The following PLSCR5 variants were observed in gnomAD, a reference collection of about 807,000 sequenced individuals.
The protein encoded by PLSCR5 is phospholipid scramblase family member 5.
PLSCR5 carries 44 observed loss-of-function variants against 33.6 expected under a neutral mutation model. The ratio of observed to expected loss-of-function variants is 1.31; its 90% CI spans 1.03 to 1.69. The LOEUF (loss-of-function observed/expected upper bound fraction) is 1.69. Among genes scored for constraint, PLSCR5 ranks in the 40% most tolerant of loss-of-function variants. The pLI, the probability that PLSCR5 is intolerant of heterozygous loss-of-function variation, is 0.00. For synonymous variants in PLSCR5, 148 were observed against 112.3 expected, an observed-to-expected ratio of 1.32 and a Z score of -2.01; for missense variants, 375 against 318.7, an observed-to-expected ratio of 1.18 and a Z score of -1.34.
chr3:146,577,000 A>C (rs945185200), intron 7 of PLSCR5, among the ~76,000 whole-genome samples: 5 of 152,088 alleles, frequency 3.3e-5, no homozygotes, highest in African/African-American at 1.2e-4. Context: ...TTTTTTAAAA[A>C]AAAGAATTAA....
At chr3:146,599,804 G>T (rs531190450) in intron 2 of PLSCR5, among the ~76,000 whole-genome samples, 1 of 151,444 alleles carries the variant, frequency 6.6e-6, no homozygotes, top group Non-Finnish European at 1.5e-5. Context: ...TCAGCATCCC[G>T]AGTAGCTAGG....
intron 2 of PLSCR5, among the ~76,000 whole-genome samples, chr3:146,596,027 T>G (rs1351076814): frequency 6.6e-6 from 1 of 152,192 alleles, no homozygotes; most frequent in East Asian, 1.9e-4. Context: ...CTAAATACAT[T>G]ACAAGATTTG....
chr3:146,583,378 CAGTAAACAGAGTTGG>C (rs11270051), downstream of PLSCR5, among the ~76,000 whole-genome samples: 13,912 of 152,110 alleles, frequency 0.091, 853 homozygotes, highest in Middle Eastern at 0.16. Context: ...CCAGTAAACA[CAGTAAACAGAGTTGG>C]AGTAAACAGA....
rs369837994 is a variant in PLSCR5, at chr3:146,593,979, T to C, written c.394A>G (p.Ile132Val). Residue 132 changes from isoleucine to valine, a missense_variant, in exon 4 of 8, where the codon ATT becomes GTT. Coordinates refer to ENST00000443512, the MANE Select transcript of PLSCR5 (RefSeq NM_001085420.2). ...CATCTCAAGGGCCTGTTCACTGTAA[T>C]GACCTCTCGACCTGAGTTATCTGTG... ...RITDNSGREV[I>V]TVNRPLRCNS... 1.2e-6 allele frequency: 2 copies of C among 1,613,748 alleles called. No individual in the cohort carries two copies. The highest frequency in any genetic ancestry group is 1.7e-5 in the Admixed American group (1 of 59,972).
chr3:146,593,938 G>GCAC lies in PLSCR5; in HGVS notation c.432_434dup (p.Trp144dup), dbSNP rs1560108422. The GCAC allele has an allele frequency of 6.2e-7, 1 of 1,613,542 alleles. No individual in the cohort carries two copies. Among genetic ancestry groups the GCAC allele is most frequent in the South Asian group, 1.1e-5 (1 of 91,036 alleles). On this transcript the variant is annotated inframe_insertion, in exon 4 of 8. Coordinates refer to ENST00000443512, the MANE Select transcript of PLSCR5 (RefSeq NM_001085420.2). ...AACTAACCTCTTGTAGGTAGCAAGG[G>GCAC]CACCAGCAGCTGTTACATCTCAAGG...
At position 146,599,579 on chromosome 3, in the gene PLSCR5, C is replaced by T. The variant is rs183661165; in HGVS notation, c.189+709G>A. On this transcript the variant is annotated intron_variant, in intron 2 of 7. Coordinates refer to ENST00000443512, the MANE Select transcript of PLSCR5 (RefSeq NM_001085420.2). ...CTTTTGGGTAAGAGGGGCTAGGTTT[C>T]GTGCTTTTTATATGTCTCTAGTATA... 2.4e-4 allele frequency among the ~76,000 whole-genome samples: 35 copies of T among 146,672 alleles called. No homozygotes were observed. The East Asian group carries it at 5.8e-3, about 24-fold the overall frequency.
intron 1 of PLSCR5, among the ~76,000 whole-genome samples, chr3:146,603,785 G>A (rs1243693375): frequency 6.6e-6 from 1 of 151,938 alleles, no homozygotes; most frequent in African/African-American, 2.4e-5. Context: ...GAAGTATTTT[G>A]GACTAAATAG....
intron 3 of PLSCR5, 64 bp downstream of exon 3, chr3:146,594,977 A>G: frequency 9.8e-7 from 1 of 1,024,940 alleles, no homozygotes; most frequent in African/African-American, 1.7e-5. Flanking sequence ...ATGCAAAGAA[A>G]CTTCTGAAAA....
intron 5 of PLSCR5, 82 bp from the exon 6 acceptor site, chr3:146,589,896 A>C (rs998295125): frequency 2.4e-6 from 2 of 840,756 alleles, no homozygotes; most frequent in African/African-American, 3.5e-5. Context: ...ACTTCATGAG[A>C]GATTTGAATT....
At chr3:146,582,448 C>A (rs982177779), downstream of PLSCR5, among the ~76,000 whole-genome samples, 1 of 152,146 alleles carries the variant, frequency 6.6e-6, no homozygotes, top group East Asian at 1.9e-4. Flanking sequence ...GTACTTTATG[C>A]AAATTAGATG....
chr3:146,590,024 T>A, intron 5 of PLSCR5: 1 of 370,206 alleles, frequency 2.7e-6, no homozygotes, highest in South Asian at 9.4e-5. Flanking sequence ...TTTGACAGTT[T>A]TCTAGTCCAT....
intron 2 of PLSCR5, among the ~76,000 whole-genome samples, chr3:146,597,728 A>G (rs990436570): frequency 6.6e-6 from 1 of 152,198 alleles, no homozygotes; most frequent in African/African-American, 2.4e-5. Context: ...ATTGAATTAT[A>G]CGTTTAGGTG....
chr3:146,585,369 C>A (rs571559803), downstream of PLSCR5, among the ~76,000 whole-genome samples: 54 of 152,134 alleles, frequency 3.5e-4, no homozygotes, highest in African/African-American at 1.3e-3. Context: ...TTATTTAAAT[C>A]TCTGGCATGA....
At chr3:146,601,178 C>T (rs2044810950) in intron 1 of PLSCR5, among the ~76,000 whole-genome samples, 1 of 151,596 alleles carries the variant, frequency 6.6e-6, no homozygotes, top group Non-Finnish European at 1.5e-5. Context: ...TTTTAATCAT[C>T]TTTTATTTTG....
At chr3:146,588,576 C>CAT (rs1411733647) in intron 6 of PLSCR5, among the ~76,000 whole-genome samples, 1 of 152,064 alleles carries the variant, frequency 6.6e-6, no homozygotes, top group Non-Finnish European at 1.5e-5. Flanking sequence ...TATACACACA[C>CAT]ACACACCCCT....
At chr3:146,589,046 C>A (rs1471480160) in intron 6 of PLSCR5, among the ~76,000 whole-genome samples, 1 of 152,168 alleles carries the variant, frequency 6.6e-6, no homozygotes, top group Non-Finnish European at 1.5e-5. Flanking sequence ...ATAGGTCAAG[C>A]ATTTTGATAC....
At position 146,600,380 on chromosome 3, in the gene PLSCR5, G is replaced by A. The variant is rs771899335; in HGVS notation, c.97C>T (p.Pro33Ser). The A allele has an allele frequency of 6.2e-7, 1 of 1,610,592 alleles. No individual in the cohort carries two copies. Among genetic ancestry groups the A allele is most frequent in the Admixed American group, 1.7e-5 (1 of 59,660 alleles). ...CTCAGCTGCCATGCTTGGTTCCCTGGATTGGAAGAGGCAGGAAGGCTTTGG... is the reference window on the plus strand; with the variant it reads ...CTCAGCTGCCATGCTTGGTTCCCTGAATTGGAAGAGGCAGGAAGGCTTTGG... ...PDQSLPASSN[P>S]GNQAWQLSLP... Residue 33 changes from proline (P) to serine (S), a missense_variant, in exon 2 of 8, where the codon CCA (proline) becomes TCA (serine). Pro to Ser is a moderately conservative substitution (Grantham distance 74). Coordinates refer to ENST00000443512, the MANE Select transcript of PLSCR5 (RefSeq NM_001085420.2).
intron 7 of PLSCR5, 23 bp from the exon 8 acceptor site, chr3:146,585,965 T>A: frequency 1.7e-6 from 2 of 1,163,942 alleles, no homozygotes; most frequent in South Asian, 3.4e-5. Flanking sequence ...GAAAAAGAGT[T>A]AGATAGCGTC....
intron 2 of PLSCR5, among the ~76,000 whole-genome samples, chr3:146,599,594 T>C (rs1010757117): frequency 6.6e-6 from 1 of 151,898 alleles, no homozygotes; most frequent in Non-Finnish European, 1.5e-5. Context: ...TTTTTATATG[T>C]CTCTAGTATA....
Sources: allele counts gnomAD v4.1 joint callset (sites outside exome capture counted in the v4.1 genomes callset), GRCh38; gene constraint gnomAD v4.1.1; transcripts MANE v1.5; gene names NCBI Gene and HGNC (gene_info 2026-07-23, HGNC 2026-07-21).